Variants in DOCK10 observed in about 807,000 individuals in gnomAD.
The protein encoded by DOCK10 is dedicator of cytokinesis 10.
DOCK10 carries 145 observed loss-of-function variants against 280.1 expected under a neutral mutation model. The observed-to-expected ratio is 0.52, with a 90% CI of 0.45 to 0.59. The LOEUF (loss-of-function observed/expected upper bound fraction) is 0.59, where lower values mean the gene tolerates loss of function less well. Ranked by LOEUF, DOCK10 falls within the 20% of genes least tolerant of loss-of-function variation. DOCK10 has a pLI of 0.00. For synonymous variants in DOCK10, 915 were observed against 942.2 expected, an observed-to-expected ratio of 0.97 and a Z score of 0.53; for missense variants, 2,368 against 2,651.7, an observed-to-expected ratio of 0.89 and a Z score of 2.35.
At chr2:225,006,218 G>A (rs999833524) in intron 1 of DOCK10, among the ~76,000 whole-genome samples, 3 of 152,120 alleles carry the variant, frequency 2.0e-5, no homozygotes, top group African/African-American at 7.2e-5. Context: ...CTTAGTTTGA[G>A]TGGCATGGGT....
At chr2:224,799,414 T>C (rs1412663926) in intron 41 of DOCK10, among the ~76,000 whole-genome samples, 1 of 152,262 alleles carries the variant, frequency 6.6e-6, no homozygotes, top group African/African-American at 2.4e-5. Context: ...CACCTGTTGA[T>C]GTATACTTGA....
chr2:224,787,556 T>A (rs1449807100), intron 48 of DOCK10, among the ~76,000 whole-genome samples, 159 bp from the exon 49 acceptor site: 1 of 152,178 alleles, frequency 6.6e-6, no homozygotes, highest in East Asian at 1.9e-4. Flanking sequence ...TTCTTGCCTA[T>A]CCCGCACTGC....
At chr2:224,924,715 G>T (rs1490190130) in intron 2 of DOCK10, among the ~76,000 whole-genome samples, 1 of 152,166 alleles carries the variant, frequency 6.6e-6, no homozygotes, top group Non-Finnish European at 1.5e-5. Flanking sequence ...ATCAAACACA[G>T]ACCAGGGTCT....
chr2:224,886,013 A>G (rs1375876076), intron 6 of DOCK10, 50 bp downstream of exon 6: 1 of 1,610,040 alleles, frequency 6.2e-7, no homozygotes, highest in African/African-American at 1.3e-5. Context: ...CAGAGGAGGG[A>G]GTGTTAAGAA....
chr2:224,808,922 G>C (rs1468189722), intron 31 of DOCK10, among the ~76,000 whole-genome samples: 1 of 152,190 alleles, frequency 6.6e-6, no homozygotes, highest in East Asian at 1.9e-4. Context: ...TGATATCTGG[G>C]CTGGGGTAGC....
intron 11 of DOCK10, among the ~76,000 whole-genome samples, chr2:224,871,430 G>A (rs944747568): frequency 6.6e-6 from 1 of 152,102 alleles, no homozygotes; most frequent in African/African-American, 2.4e-5. Context: ...GCCAGCCCTT[G>A]TTCAAGCCAT....
At chr2:224,979,764 C>A (rs371018979) in intron 1 of DOCK10, among the ~76,000 whole-genome samples, 1 of 152,172 alleles carries the variant, frequency 6.6e-6, no homozygotes, top group African/African-American at 2.4e-5. Context: ...CGTTACATCC[C>A]GGCACTTTTC....
intron 2 of DOCK10, among the ~76,000 whole-genome samples, chr2:224,924,038 T>C (rs1452384478): frequency 6.6e-6 from 1 of 152,212 alleles, no homozygotes; most frequent in Non-Finnish European, 1.5e-5. Flanking sequence ...TTTTGCCATG[T>C]TCCTTATTAC....
chr2:224,805,659 C>A lies in DOCK10; in HGVS notation c.3815-130G>T. On this transcript the variant is annotated intron_variant, in intron 34 of 55. Transcript: ENST00000258390. The surrounding 1 kb of genome is among the most constrained non-coding windows in gnomAD (Gnocchi z 4.3). ...GCAGTGTTGTCAAAGACCAACATAA[C>A]AGCGTCTGGGATTGGCATTAAAGCC... 8.3e-7 allele frequency: 1 copy of A among 1,210,688 alleles called. No homozygotes were observed. The highest frequency in any genetic ancestry group is 1.1e-6 in the Non-Finnish European group (1 of 870,576). The allele number at this position is 1,210,688 out of a possible 1,614,324, so 75.0% of individuals were successfully genotyped here.
chr2:224,942,238 A>G (rs941676494), intron 1 of DOCK10, among the ~76,000 whole-genome samples: 1 of 152,230 alleles, frequency 6.6e-6, no homozygotes, highest in African/African-American at 2.4e-5. Context: ...TCCCTGACAC[A>G]TGAGCTAACT....
intron 1 of DOCK10, among the ~76,000 whole-genome samples, chr2:224,938,971 CCA>C (rs1702858590): frequency 2.6e-5 from 4 of 152,312 alleles, no homozygotes; most frequent in Admixed American, 6.5e-5. Context: ...CTGTCTTGAA[CCA>C]CACAGTTTCA....
chr2:225,038,053 TG>T (rs1367254057), intron 1 of DOCK10, among the ~76,000 whole-genome samples: 7 of 152,120 alleles, frequency 4.6e-5, no homozygotes, highest in African/African-American at 9.7e-5. Flanking sequence ...TAAACACCCT[TG>T]TCATAAAGGA....
intron 1 of DOCK10, among the ~76,000 whole-genome samples, chr2:224,993,072 G>C (rs964680180): frequency 4.3e-4 from 65 of 152,160 alleles, no homozygotes; most frequent in African/African-American, 1.5e-3. Context: ...CTGAAAATCA[G>C]GCAGTGGAAG....
intron 4 of DOCK10, chr2:224,893,357 G>T (rs1575010126): frequency 6.0e-6 from 1 of 165,748 alleles, no homozygotes; most frequent in Non-Finnish European, 1.3e-5. Flanking sequence ...TTTCAGCCCA[G>T]CTAAGCTGGT....
At chr2:224,889,539 T>C (rs1169683831) in intron 4 of DOCK10, among the ~76,000 whole-genome samples, 4 of 152,244 alleles carry the variant, frequency 2.6e-5, no homozygotes, top group Admixed American at 1.3e-4. Context: ...TTAAGTAAGA[T>C]TGCTGCCATT....
At chr2:224,878,373 G>A (rs1344242805) in intron 7 of DOCK10, among the ~76,000 whole-genome samples, 1 of 152,198 alleles carries the variant, frequency 6.6e-6, no homozygotes, top group African/African-American at 2.4e-5. Flanking sequence ...ATTAAAATGT[G>A]TTTGGGATTA....
intron 50 of DOCK10, among the ~76,000 whole-genome samples, chr2:224,782,767 T>G (rs1374331447): frequency 6.6e-6 from 1 of 152,200 alleles, no homozygotes. Flanking sequence ...CCAAAGGCCT[T>G]TGTGCAGGCA....
intron 1 of DOCK10, among the ~76,000 whole-genome samples, chr2:224,996,879 G>A (rs1439288109): frequency 6.6e-6 from 1 of 152,138 alleles, no homozygotes; most frequent in East Asian, 1.9e-4. Flanking sequence ...GGTGCAGCAG[G>A]CAGACCAGAT....
intron 1 of DOCK10, among the ~76,000 whole-genome samples, chr2:225,040,506 A>C (rs1317894652): frequency 8.4e-6 from 1 of 119,008 alleles, no homozygotes; most frequent in Non-Finnish European, 1.7e-5. Flanking sequence ...TTTTGGAGAA[A>C]GCAGTGCGTG....
Sources: allele counts gnomAD v4.1 joint callset (sites outside exome capture counted in the v4.1 genomes callset), GRCh38; gene constraint gnomAD v4.1.1; non-coding constraint Gnocchi (gnomAD v3.1); transcripts MANE v1.5; gene names NCBI Gene and HGNC (gene_info 2026-07-23, HGNC 2026-07-21).